The following SPIN3 variants were observed in gnomAD, a reference collection of about 807,000 sequenced individuals.
The protein encoded by SPIN3 is spindlin-3.
For synonymous variants in SPIN3, 74 were observed against 74.3 expected, an observed-to-expected ratio of 1.00 and a Z score of 0.02; for missense variants, 176 against 196.4, an observed-to-expected ratio of 0.90 and a Z score of 0.62.
At chrX:56,983,401 C>G (rs1340464543) in intron 3 of SPIN3, among the ~76,000 whole-genome samples, 1 of 111,555 alleles carries the variant, frequency 9.0e-6, no homozygotes, top group Non-Finnish European at 1.9e-5. Context: ...CTACCCTATC[C>G]CCAGCCATCC....
intron 5 of SPIN3, chrX:56,977,552 C>T (rs1924030704): frequency 8.9e-6 from 1 of 111,902 alleles, no homozygotes; most frequent in Admixed American, 9.5e-5. Context: ...TTTTCTGCCT[C>T]TCTGGTCCTC....
At chrX:56,988,107 T>A (rs1924259473), downstream of SPIN3, among the ~76,000 whole-genome samples, 1 of 111,861 alleles carries the variant, frequency 8.9e-6, no homozygotes, top group Non-Finnish European at 1.9e-5. Context: ...TAATGTCCAA[T>A]CAGCTGACTT....
At chrX:56,976,556 C>T (rs1488508024) in exon 6 of SPIN3, 1 of 111,324 alleles carries the variant, frequency 9.0e-6, no homozygotes, top group Non-Finnish European at 1.9e-5. Context: ...GTCCTAATGA[C>T]CAGCAGAAGA....
At position 56,994,361 on chromosome X, in the gene SPIN3, G is replaced by A. The variant is rs1924429897; in HGVS notation, c.587C>T (p.Pro196Leu). ...TTCTCCTGGCTCCCTCTCTGCCAGA[G>A]GAGAATCATTGGAATCTTGAAGGAT... ...LRILQDSNDS[P>L]LAEREPGEVI... The change falls in exon 2 of 2, where the codon CCT becomes CTT. Residue 196 changes from proline (P) to leucine (L), a missense_variant. Transcript: ENST00000374919. The A allele has an allele frequency of 8.3e-7, 1 of 1,209,858 alleles. No homozygotes were observed. The highest frequency in any genetic ancestry group is 2.2e-5 in the Admixed American group (1 of 45,794).
rs1474494826 is a variant in SPIN3, at chrX:56,993,425, T to A, written c.*746A>T. On this transcript the variant is annotated 3_prime_UTR_variant, in exon 2 of 2. Transcript: ENST00000374919. ...CATGTCTGCAGATACCAGCCAGAGC[T>A]ATTGGAGACAAGAGAGACCCTAATG... 1 of 111,373 alleles carries A rather than the reference T, an allele frequency of 9.0e-6. No homozygotes were observed. The highest frequency in any genetic ancestry group is 1.9e-5 in the Non-Finnish European group (1 of 53,139). The allele number at this position is 111,373 out of a possible 1,213,427, so 9.2% of individuals were successfully genotyped here.
At position 56,993,262 on chromosome X, in the gene SPIN3, T is replaced by C. The variant is rs1467259961; in HGVS notation, c.*909A>G. On this transcript the variant is annotated 3_prime_UTR_variant, in exon 2 of 2. Coordinates refer to ENST00000374919, the MANE Select transcript of SPIN3 (RefSeq NM_001010862.3). ...TTCATTTTGAGGTTCTGGACAGATCTGTCCAAACCCAGCCAAACCCAGCCT... is the reference window on the plus strand; with the variant it reads ...TTCATTTTGAGGTTCTGGACAGATCCGTCCAAACCCAGCCAAACCCAGCCT... The C allele has an allele frequency of 8.9e-6, 1 of 112,155 alleles. No homozygotes were observed. Among genetic ancestry groups the C allele is most frequent in the Non-Finnish European group, 1.9e-5 (1 of 53,199 alleles). The allele number at this position is 112,155 out of a possible 1,213,427, so 9.2% of individuals were successfully genotyped here.
At position 56,994,814 on chromosome X, in the gene SPIN3, G is replaced by A; in HGVS notation, c.134C>T (p.Pro45Leu). The A allele has an allele frequency of 1.7e-6, 2 of 1,211,717 alleles. No homozygotes were observed. The highest frequency in any genetic ancestry group is 2.2e-6 in the Non-Finnish European group (2 of 895,557). Residue 45 changes from proline to leucine, a missense_variant, in exon 2 of 2, where the codon CCT (proline) becomes CTT (leucine). Coordinates refer to ENST00000374919, the MANE Select transcript of SPIN3 (RefSeq NM_001010862.3). The stretch of plus-strand genomic sequence containing the variant: ...TCTGCAGCCCACGATGTTCCCCCGA[G>A]GCTGGGAGGTGGGTCGGCTCCTATG... ...KKHRSRPTSQ[P>L]RGNIVGCRIQ...
In SPIN3 at chrX:56,993,825, C is replaced by T. The variant is rs1924411591; in HGVS notation, c.*346G>A. On this transcript the variant is annotated 3_prime_UTR_variant, in exon 2 of 2. Transcript: ENST00000374919. ...TGGGATATCTCAGCAAGCTTCACAC[C>T]TCAATGAGTGTAGAGTCCAAGTGCC... The T allele has an allele frequency of 7.3e-6, 1 of 136,842 alleles. No individual in the cohort carries two copies. Among genetic ancestry groups the T allele is most frequent in the Non-Finnish European group, 1.4e-5 (1 of 70,621 alleles). 11.3% of individuals were successfully genotyped at this position (136,842 alleles called of 1,213,427 possible).
chrX:56,985,863 T>C (rs1195218427), downstream of SPIN3, among the ~76,000 whole-genome samples: 1 of 111,663 alleles, frequency 9.0e-6, no homozygotes, highest in African/African-American at 3.3e-5. Context: ...CCCTTTCCTC[T>C]AGTAGTTCCT....
chrX:56,980,250 C>T (rs1418061342), intron 3 of SPIN3: 1 of 111,233 alleles, frequency 9.0e-6, no homozygotes, highest in East Asian at 2.8e-4. Context: ...TAAAAACAAA[C>T]AAACAAACAA....
rs769527713 is a variant in SPIN3 at position 56,994,735 on chromosome X, G to T, written c.213C>A (p.Thr71=). 3.3e-6 allele frequency: 4 copies of T among 1,211,694 alleles called. No homozygotes were observed. Among genetic ancestry groups the T allele is most frequent in the African/African-American group, 3.5e-5 (2 of 57,810 alleles). The change falls in exon 2 of 2, where the codon ACC becomes ACA. Residue 71 remains threonine, a synonymous_variant. Coordinates refer to ENST00000374919, the MANE Select transcript of SPIN3 (RefSeq NM_001010862.3). ...GDEPLTQWKG[T]VLDQVPVNPS... Reference sequence around the variant, plus strand: ...GATTTACAGGTACCTGATCCAGAACGGTTCCTTTCCACTGTGTTAGAGGTT... The same window carrying T: ...GATTTACAGGTACCTGATCCAGAACTGTTCCTTTCCACTGTGTTAGAGGTT...
chrX:56,994,441 A>C lies in SPIN3; in HGVS notation c.507T>G (p.Asp169Glu), dbSNP rs202130333. The change falls in exon 2 of 2, where the codon GAT becomes GAG. Residue 169 changes from aspartate (D) to glutamate (E), a missense_variant. Asp to Glu is a conservative substitution (Grantham distance 45). Transcript: ENST00000374919. ...NTWFYITYEK[D>E]PVLYMYQLLD... ...AGAGCTGGTACATATATAATACAGGATCTTTCTCATAGGTAATGTAAAACC... is the reference window on the plus strand; with the variant it reads ...AGAGCTGGTACATATATAATACAGGCTCTTTCTCATAGGTAATGTAAAACC... 7.4e-6 allele frequency: 9 copies of C among 1,209,989 alleles called. No individual in the cohort carries two copies. The highest frequency in any genetic ancestry group is 2.2e-5 in the Admixed American group (1 of 45,803).
At position 56,992,468 on chromosome X, in the gene SPIN3, A is replaced by T; in HGVS notation, c.*1703T>A. 3.4e-6 allele frequency: 1 copy of T among 297,551 alleles called. No homozygotes were observed. The allele number at this position is 297,551 out of a possible 1,213,427, so 24.5% of individuals were successfully genotyped here. A position where few individuals can be genotyped will look rare whatever the true frequency, so the allele number is the denominator to read the frequency against. On this transcript the variant is annotated 3_prime_UTR_variant, in exon 2 of 2. Coordinates refer to ENST00000374919, the MANE Select transcript of SPIN3 (RefSeq NM_001010862.3). ...TCATAGTAGAGACTTAGTGGCATCA[A>T]AAAGCAAAAGTAGACAGATAAAACA...
rs1365793857 is a variant in SPIN3, at chrX:56,991,228, G to A, written c.*2943C>T. Reference sequence around the variant, plus strand: ...CTGATAGAGCTGGATTGGAGAACATGGCTTGGACCTGAGGCTGAAATGAAC... The same window carrying A: ...CTGATAGAGCTGGATTGGAGAACATAGCTTGGACCTGAGGCTGAAATGAAC... On this transcript the variant is annotated 3_prime_UTR_variant, in exon 2 of 2. Transcript: ENST00000374919. 1 of 112,075 alleles carries A rather than the reference G, an allele frequency of 8.9e-6. No homozygotes were observed. Among genetic ancestry groups the A allele is most frequent in the Non-Finnish European group, 1.9e-5 (1 of 53,261 alleles). The allele number at this position is 112,075 out of a possible 1,213,427, so 9.2% of individuals were successfully genotyped here. A position where few individuals can be genotyped will look rare whatever the true frequency, so the allele number is the denominator to read the frequency against.
downstream of SPIN3, among the ~76,000 whole-genome samples, chrX:56,986,195 A>G (rs777247304): frequency 2.9e-4 from 32 of 111,488 alleles, no homozygotes; most frequent in Non-Finnish European, 5.3e-4. Context: ...AGTGCCTGGA[A>G]CAAAGTAGGC....
downstream of SPIN3, among the ~76,000 whole-genome samples, chrX:56,987,692 C>G (rs998030949): frequency 3.6e-5 from 4 of 111,831 alleles, no homozygotes; most frequent in African/African-American, 1.3e-4. Flanking sequence ...ACCCTGCTCT[C>G]TTAACTGTCC....
rs1240414055 is a variant in SPIN3 at position 56,995,409 on chromosome X, G to A, written c.-196C>T. 1 of 118,471 alleles carries A rather than the reference G, an allele frequency of 8.4e-6. No individual in the cohort carries two copies. The highest frequency in any genetic ancestry group is 1.8e-5 in the Non-Finnish European group (1 of 56,649). The allele number at this position is 118,471 out of a possible 1,213,427, so 9.8% of individuals were successfully genotyped here. A position where few individuals can be genotyped will look rare whatever the true frequency, so the allele number is the denominator to read the frequency against. ...TCTCTAAGAGGGCGGCGGGGCAGGC[G>A]AAGATGACCGTGGCGGCGTCCCTTG... is the stretch of plus-strand genomic sequence containing the variant. On this transcript the variant is annotated 5_prime_UTR_variant, in exon 1 of 2. Transcript: ENST00000374919.
chrX:56,983,865 T>C (rs970349651), intron 3 of SPIN3, among the ~76,000 whole-genome samples: 2 of 112,571 alleles, frequency 1.8e-5, no homozygotes, highest in Admixed American at 1.9e-4. Context: ...AATGATAGCA[T>C]CTGGGTAGTG....
downstream of SPIN3, among the ~76,000 whole-genome samples, chrX:56,986,185 AG>A (rs1924217435): frequency 9.0e-6 from 1 of 111,505 alleles, no homozygotes; most frequent in South Asian, 3.8e-4. Context: ...GCCTAGTTAA[AG>A]TGCCTGGAAC....
Sources: gnomAD v4.1 joint callset for allele counts (sites outside exome capture counted in the v4.1 genomes callset) on GRCh38, gnomAD v4.1.1 for gene constraint, MANE v1.5 for transcripts, NCBI Gene and HGNC (gene_info 2026-07-23, HGNC 2026-07-21) for gene names.